TBL1XR1: variants seen among roughly 807,000 people sequenced by gnomAD.
TBL1XR1 encodes the protein TBL1X/Y related 1, also known as F-box-like/WD repeat-containing protein TBL1XR1.
Under a neutral mutation model 66.9 loss-of-function variants are expected in TBL1XR1, and 5 were observed. The ratio of observed to expected loss-of-function variants is 0.07; its 90% CI spans 0.04 to 0.16. The LOEUF is 0.16. TBL1XR1 is among the 10% of genes least tolerant of loss of function. TBL1XR1 has a pLI of 1.00. For missense variants in TBL1XR1, 238 were observed against 623.2 expected, an observed-to-expected ratio of 0.38 and a Z score of 6.58; for synonymous variants, 210 against 206.0, an observed-to-expected ratio of 1.02 and a Z score of -0.17.
At chr3:177,154,536 A>G (rs1273879731) in intron 1 of TBL1XR1, among the ~76,000 whole-genome samples, 1 of 152,066 alleles carries the variant, frequency 6.6e-6, no homozygotes, top group Non-Finnish European at 1.5e-5. Context: ...AGCTGGGATT[A>G]CAGACGCCCA....
At chr3:177,092,168 GT>G (rs1181927961) in intron 2 of TBL1XR1, among the ~76,000 whole-genome samples, 1 of 152,148 alleles carries the variant, frequency 6.6e-6, no homozygotes, top group African/African-American at 2.4e-5. Flanking sequence ...TGAGTGTCGT[GT>G]TAGTGCTCAA....
chr3:177,158,392 C>G (rs190637786), intron 1 of TBL1XR1, among the ~76,000 whole-genome samples: 1 of 152,052 alleles, frequency 6.6e-6, no homozygotes, highest in Non-Finnish European at 1.5e-5. Flanking sequence ...CTATGCCCAG[C>G]TAATTTTTGT....
At chr3:177,032,203 G>A (rs572007834) in intron 14 of TBL1XR1, 2 of 152,280 alleles carry the variant, frequency 1.3e-5, no homozygotes, top group African/African-American at 4.8e-5. Flanking sequence ...CAGCAGGAGA[G>A]GAACAAAGTT....
chr3:177,120,128 C>G (rs1262905577), intron 1 of TBL1XR1, among the ~76,000 whole-genome samples: 3 of 152,146 alleles, frequency 2.0e-5, no homozygotes, highest in Non-Finnish European at 2.9e-5. Context: ...CTTAACTTCT[C>G]ATTACTTTCC....
At chr3:177,115,468 A>G (rs1244031737) in intron 1 of TBL1XR1, among the ~76,000 whole-genome samples, 1 of 152,142 alleles carries the variant, frequency 6.6e-6, no homozygotes, top group African/African-American at 2.4e-5. Flanking sequence ...GCTTACTGCT[A>G]TTCACTACCC....
At chr3:177,144,431 T>C (rs545984321) in intron 1 of TBL1XR1, among the ~76,000 whole-genome samples, 1 of 152,120 alleles carries the variant, frequency 6.6e-6, no homozygotes, top group African/African-American at 2.4e-5. Context: ...CTGTTGCAAC[T>C]ACTCAACTGT....
intron 2 of TBL1XR1, among the ~76,000 whole-genome samples, 173 bp downstream of exon 2, chr3:177,098,293 T>A (rs1723751870): frequency 6.6e-6 from 1 of 152,054 alleles, no homozygotes; most frequent in Admixed American, 6.6e-5. Flanking sequence ...AAGTTATTTT[T>A]AAATACTTTA....
intron 1 of TBL1XR1, among the ~76,000 whole-genome samples, chr3:177,130,042 GAT>G (rs1728096819): frequency 6.6e-6 from 1 of 151,394 alleles, no homozygotes. Context: ...CTACTCAGGA[GAT>G]GGAGGCTGGA....
intron 1 of TBL1XR1, among the ~76,000 whole-genome samples, chr3:177,185,668 G>A (rs1288598983): frequency 1.3e-5 from 2 of 150,548 alleles, no homozygotes; most frequent in East Asian, 1.9e-4. Flanking sequence ...TCTTTGAGAA[G>A]GTCCCTTATT....
chr3:177,088,531 A>C (rs1287191890), intron 2 of TBL1XR1, among the ~76,000 whole-genome samples: 1 of 152,210 alleles, frequency 6.6e-6, no homozygotes, highest in Non-Finnish European at 1.5e-5. Context: ...ACCAATGCTC[A>C]ACCTGTGTAA....
chr3:177,042,135 G>A (rs1300228951), intron 10 of TBL1XR1, among the ~76,000 whole-genome samples: 6 of 151,918 alleles, frequency 3.9e-5, no homozygotes, highest in African/African-American at 9.7e-5. Flanking sequence ...CTTTCATTTT[G>A]ACTGTGCACT....
intron 3 of TBL1XR1, among the ~76,000 whole-genome samples, chr3:177,064,300 T>A (rs1718879249): frequency 6.6e-6 from 1 of 152,188 alleles, no homozygotes; most frequent in South Asian, 2.1e-4. Flanking sequence ...TACCCAACCA[T>A]GTTCCCTCTT....
intron 1 of TBL1XR1, among the ~76,000 whole-genome samples, chr3:177,195,303 C>A (rs999090689): frequency 1.2e-4 from 18 of 151,928 alleles, no homozygotes; most frequent in African/African-American, 4.4e-4. Flanking sequence ...CCTGCAGCCC[C>A]TCCCCCACAG....
At chr3:177,176,282 C>T (rs1389615956) in intron 1 of TBL1XR1, among the ~76,000 whole-genome samples, 2 of 151,292 alleles carry the variant, frequency 1.3e-5, no homozygotes, top group Admixed American at 1.3e-4. Flanking sequence ...GCAACACCTC[C>T]GCCCCCTGGG....
At chr3:177,074,071 C>A (rs1453230885) in intron 2 of TBL1XR1, among the ~76,000 whole-genome samples, 2 of 152,166 alleles carry the variant, frequency 1.3e-5, no homozygotes. Context: ...CATACTCAAC[C>A]TGTTTGCTAC....
chr3:177,072,470 C>CAAAAAAAAAAAAA (rs11362981), intron 2 of TBL1XR1, among the ~76,000 whole-genome samples: 1 of 128,896 alleles, frequency 7.8e-6, no homozygotes. Context: ...ACTATGCACT[C>CAAAAAAAAAAAAA]AAAAAAAAAA....
rs1312309007 is a variant in TBL1XR1, at chr3:177,024,348, G to A, written c.*1150C>T. On this transcript the variant is annotated 3_prime_UTR_variant, in exon 16 of 16. Coordinates refer to ENST00000457928, the MANE Select transcript of TBL1XR1 (RefSeq NM_024665.7). ...GTGTTATATGCCGTTATCTTGCTTT[G>A]TATAAAGAAAACAACATGAGAGATT... The A allele has an allele frequency of 6.6e-6, 1 of 152,330 alleles. No homozygotes were observed. Among genetic ancestry groups the A allele is most frequent in the Non-Finnish European group, 1.5e-5 (1 of 67,962 alleles). 9.4% of individuals were successfully genotyped at this position (152,330 alleles called of 1,614,324 possible). A position where few individuals can be genotyped will look rare whatever the true frequency, so the allele number is the denominator to read the frequency against.
At chr3:177,096,654 AAACTTCATGTG>A (rs1433082066) in intron 2 of TBL1XR1, among the ~76,000 whole-genome samples, 1 of 152,186 alleles carries the variant, frequency 6.6e-6, no homozygotes, top group Admixed American at 6.5e-5. Flanking sequence ...ATTTGAACAA[AAACTTCATGTG>A]AACAAAAAGC....
chr3:177,135,338 C>CATACATAT (rs1667242662), intron 1 of TBL1XR1, among the ~76,000 whole-genome samples: 1 of 22,476 alleles, frequency 4.4e-5, no homozygotes, highest in Non-Finnish European at 8.0e-5. Context: ...TGTGTGTATA[C>CATACATAT]ATATATATAT....
Sources: gnomAD v4.1 joint callset for allele counts (sites outside exome capture counted in the v4.1 genomes callset) on GRCh38, gnomAD v4.1.1 for gene constraint, MANE v1.5 for transcripts, NCBI Gene and HGNC (gene_info 2026-07-23, HGNC 2026-07-21) for gene names.